Variants in KLK12 observed in about 807,000 individuals in gnomAD.
KLK12 encodes the protein kallikrein related peptidase 12.
A neutral mutation model predicts 20.0 loss-of-function variants in KLK12; 23 were observed. The ratio of observed to expected loss-of-function variants is 1.15; its 90% CI spans 0.83 to 1.63. KLK12 has a LOEUF of 1.63. Among genes scored for constraint, KLK12 ranks in the 40% most tolerant of loss-of-function variants. The probability of loss-of-function intolerance (pLI) is 0.00; values close to 1 mark genes in which losing one functional copy is unlikely to be tolerated. For missense variants in KLK12, 351 were observed against 338.6 expected (o/e 1.04, Z -0.29); for synonymous variants, 147 against 141.9 (o/e 1.04, Z -0.25).
chr19:51,034,243 AAGAG>A lies in KLK12; in HGVS notation c.38-108_38-105del, dbSNP rs1568579630. 28 of 1,341,916 alleles carry A rather than the reference AAGAG, an allele frequency of 2.1e-5. No individual in the cohort carries two copies. The East Asian group carries it at 6.0e-4, about 29-fold the overall frequency. The allele number at this position is 1,341,916 out of a possible 1,614,324, so 83.1% of individuals were successfully genotyped here. ...AAACAGGCAGGAGAGAGAGAGGAGA[AAGAG>A]AGACGAGAAAGAGAGAGAAAGAGAG... On this transcript the variant is annotated intron_variant, in intron 2 of 5. Transcript: ENST00000684732.
Position 51,029,162 on chromosome 19 carries a change from G to C in KLK12, c.*140C>G, listed in dbSNP as rs755159795. 1 of 1,614,120 alleles carries C rather than the reference G, an allele frequency of 6.2e-7. No individual in the cohort carries two copies. Among genetic ancestry groups the C allele is most frequent in the Non-Finnish European group, 8.5e-7 (1 of 1,180,016 alleles). ...TCACCCCGCTCGTGGGTCTTAGAAG[G>C]GCTGGCAGGAGTTAAAGTTCCAAGA... On this transcript the variant is annotated 3_prime_UTR_variant, in exon 6 of 6. Transcript: ENST00000684732.
rs545215298 is a variant in KLK12, at chr19:51,032,051, G to A, written c.282C>T (p.Thr94=). The change falls in exon 4 of 6, where the codon ACC becomes ACT. Residue 94 remains threonine (T), a synonymous_variant. Coordinates refer to ENST00000684732, the MANE Select transcript of KLK12 (RefSeq NM_001370125.1). ...EQIRHSGFSV[T]HPGYLGASTS... ...TCGAGGCTCCCAGGTAGCCGGGATG[G>A]GTCACAGAGAAGCCGCTGTGCCGGA... The A allele has an allele frequency of 1.2e-6, 2 of 1,605,900 alleles. No individual in the cohort carries two copies. Among genetic ancestry groups the A allele is most frequent in the South Asian group, 1.1e-5 (1 of 90,530 alleles).
At chr19:51,032,255 C>T in intron 3 of KLK12, 120 bp from the exon 4 acceptor site, 1 of 1,115,442 alleles carries the variant, frequency 9.0e-7, no homozygotes, top group Non-Finnish European at 1.3e-6. Context: ...TCTGTCCTCT[C>T]ACCCGCAACT....
chr19:51,029,140 C>T lies in KLK12; in HGVS notation c.*162G>A, dbSNP rs2091522070. 1 of 1,613,404 alleles carries T rather than the reference C, an allele frequency of 6.2e-7. No homozygotes were observed. The highest frequency in any genetic ancestry group is 1.7e-5 in the Admixed American group (1 of 60,002). On this transcript the variant is annotated 3_prime_UTR_variant, in exon 6 of 6. Coordinates refer to ENST00000684732, the MANE Select transcript of KLK12 (RefSeq NM_001370125.1). The stretch of plus-strand genomic sequence containing the variant: ...TCCAGACTATTGCACACTTCTCTCA[C>T]CCCGCTCGTGGGTCTTAGAAGGGCT...
At chr19:51,031,736 C>CA in intron 4 of KLK12, 140 bp downstream of exon 4, 1 of 1,018,594 alleles carries the variant, frequency 9.8e-7, no homozygotes, top group Non-Finnish European at 1.5e-6. Flanking sequence ...TCTCTGACCC[C>CA]AAACCATGAT....
Position 51,033,972 on chromosome 19 carries a change from G to A in KLK12, c.197+8C>T, listed in dbSNP as rs1173216042. ...TCCTCCCTTCGCCCACCCCAGGAAG[G>A]GACTTACCTGCCGCTGCAGTGAGCC... is the stretch of plus-strand genomic sequence containing the variant. On this transcript the variant is annotated splice_region_variant and intron_variant, in intron 3 of 5. Coordinates refer to ENST00000684732, the MANE Select transcript of KLK12 (RefSeq NM_001370125.1). 6.2e-7 allele frequency: 1 copy of A among 1,610,506 alleles called. No homozygotes were observed.
Position 51,034,072 on chromosome 19 carries a change from C to G in KLK12, c.105G>C (p.Trp35Cys). 2 of 1,579,564 alleles carry G rather than the reference C, an allele frequency of 1.3e-6. No individual in the cohort carries two copies. The highest frequency in any genetic ancestry group is 1.2e-5 in the South Asian group (1 of 86,452). ...TGGTGCCCTCAAACAGCCCCACCTG[C>G]CACGGCTGTGAGTTACGCCCACACT... The part of the protein sequence containing the change: ...GTECGRNSQP[W>C]QVGLFEGTSL... Residue 35 changes from tryptophan (W) to cysteine (C), a missense_variant, in exon 3 of 6, where the codon TGG becomes TGC. Transcript: ENST00000684732.
chr19:51,032,244 G>C, intron 3 of KLK12, 109 bp from the exon 4 acceptor site: 1 of 1,259,640 alleles, frequency 7.9e-7, no homozygotes, highest in African/African-American at 1.5e-5. Flanking sequence ...GCCCCTCACT[G>C]TCTGTCCTCT....
intron 3 of KLK12, among the ~76,000 whole-genome samples, chr19:51,032,398 T>C (rs1311055273): frequency 6.9e-6 from 1 of 145,876 alleles, no homozygotes; most frequent in Non-Finnish European, 1.5e-5. Flanking sequence ...TTTTTTTTTT[T>C]TTTTTCAAGA....
Position 51,034,158 on chromosome 19 carries a change from ATGG to A in KLK12, c.38-22_38-20del. On this transcript the variant is annotated intron_variant, in intron 2 of 5. Transcript: ENST00000684732. ...CTGAGCCCTGGAGACAGACAGGGGCATGGGTCAGAGAGAGGAAGAAAAGATACA... is the reference window on the plus strand; with the variant it reads ...CTGAGCCCTGGAGACAGACAGGGGCAGTCAGAGAGAGGAAGAAAAGATACA... 1 of 1,551,590 alleles carries A rather than the reference ATGG, an allele frequency of 6.4e-7. No individual in the cohort carries two copies.
rs142528115 is a variant in KLK12 at position 51,030,848 on chromosome 19, G to C, written c.531C>G (p.Pro177=). 2 of 1,614,112 alleles carry C rather than the reference G, an allele frequency of 1.2e-6. No individual in the cohort carries two copies. The highest frequency in any genetic ancestry group is 2.2e-5 in the East Asian group (1 of 44,870). ...ACACCATGTTGCTCGTGATTCTCCC[G>C]GGATACACACCATGGCAGGTGGCAT... ...VSHATCHGVY[P]GRITSNMVCA... Residue 177 remains proline (P), a synonymous_variant, in exon 5 of 6, where the codon CCC becomes CCG. Transcript: ENST00000684732.
intron 3 of KLK12, among the ~76,000 whole-genome samples, chr19:51,033,681 G>T (rs2091582564): frequency 6.6e-6 from 1 of 152,146 alleles, no homozygotes; most frequent in Non-Finnish European, 1.5e-5. Context: ...CCCAGACTGG[G>T]TCAAGGAATG....
chr19:51,031,737 A>C (rs1186428177), intron 4 of KLK12, 139 bp downstream of exon 4: 1 of 1,027,136 alleles, frequency 9.7e-7, no homozygotes, highest in East Asian at 2.4e-5. Context: ...CTCTGACCCC[A>C]AACCATGATC....
intron 3 of KLK12, 147 bp from the exon 4 acceptor site, chr19:51,032,282 C>A: frequency 1.1e-6 from 1 of 901,200 alleles, no homozygotes; most frequent in Non-Finnish European, 1.7e-6. Context: ...CTCCGAGTCT[C>A]TCTTACAGGC....
rs746391917 is a variant in KLK12, at chr19:51,030,768, C to T, written c.591+20G>A. 91 of 1,612,698 alleles carry T rather than the reference C, an allele frequency of 5.6e-5. No individual in the cohort carries two copies. The highest frequency in any genetic ancestry group is 4.7e-5 in the Non-Finnish European group (55 of 1,179,984). ...CACTTCCTGTCCTGGTGACCACGCA[C>T]GCTGCCTGCACTGGCTCACCTGGCA... On this transcript the variant is annotated intron_variant, in intron 5 of 5. Transcript: ENST00000684732.
Position 51,029,598 on chromosome 19 carries a change from A to G in KLK12, c.592-141T>C. On this transcript the variant is annotated intron_variant, in intron 5 of 5. Coordinates refer to ENST00000684732, the MANE Select transcript of KLK12 (RefSeq NM_001370125.1). ...CAAAAGAGTATAATCACTTTCCCGGAGGACAATGGCAATGGCTAACCAAAA... is the reference window on the plus strand; with the variant it reads ...CAAAAGAGTATAATCACTTTCCCGGGGGACAATGGCAATGGCTAACCAAAA... 3 of 714,348 alleles carry G rather than the reference A, an allele frequency of 4.2e-6. No homozygotes were observed. In the South Asian group the frequency reaches 4.9e-5, roughly 12 times the overall value. 44.3% of individuals were successfully genotyped at this position (714,348 alleles called of 1,614,324 possible).
intron 4 of KLK12, 121 bp downstream of exon 4, chr19:51,031,755 C>G (rs1464574678): frequency 5.3e-6 from 6 of 1,129,960 alleles, no homozygotes; most frequent in Non-Finnish European, 8.0e-6. Flanking sequence ...ATCCTGATGT[C>G]CCATCCCACA....
At chr19:51,030,377 T>C (rs1397276312) in intron 5 of KLK12, among the ~76,000 whole-genome samples, 1 of 150,408 alleles carries the variant, frequency 6.6e-6, no homozygotes, top group East Asian at 2.0e-4. Flanking sequence ...TGAGACAGAG[T>C]CTGGCTCTGT....
At chr19:51,032,268 C>T in intron 3 of KLK12, 133 bp from the exon 4 acceptor site, 2 of 1,029,574 alleles carry the variant, frequency 1.9e-6, no homozygotes, top group Non-Finnish European at 2.9e-6. Context: ...CCGCAACTCT[C>T]ATTCTCCGAG....
Sources: allele counts gnomAD v4.1 joint callset (sites outside exome capture counted in the v4.1 genomes callset), GRCh38; gene constraint gnomAD v4.1.1; transcripts MANE v1.5; gene names NCBI Gene and HGNC (gene_info 2026-07-23, HGNC 2026-07-21).